DAB1: variants seen among roughly 807,000 people sequenced by gnomAD.
DAB1 encodes the protein disabled homolog 1.
DAB1 carries 15 observed loss-of-function variants against 64.6 expected under a neutral mutation model. The observed-to-expected ratio is 0.23, with a 90% confidence interval of 0.16 to 0.36. The LOEUF (loss-of-function observed/expected upper bound fraction) is 0.36. Ranked by LOEUF, DAB1 falls within the 10% of genes least tolerant of loss-of-function variation. The pLI is 1.00. For synonymous variants in DAB1, 235 were observed against 251.9 expected, an observed-to-expected ratio of 0.93 and a Z score of 0.64; for missense variants, 596 against 706.7, an observed-to-expected ratio of 0.84 and a Z score of 1.78.
At chr1:57,161,283 C>T (rs1660721295) in intron 2 of DAB1, among the ~76,000 whole-genome samples, 1 of 152,164 alleles carries the variant, frequency 6.6e-6, no homozygotes, top group African/African-American at 2.4e-5. Context: ...TAATACTGAT[C>T]AGATTCCAAG....
In DAB1 at chr1:57,619,320, T is replaced by A. The variant is rs1645827817; in HGVS notation, n.625+30272A>T. ...AGTGAACTAACTTTTATGGAGCACCTGGTACATGACAACGCTGTGCTAGGA... is the reference window on the plus strand; with the variant it reads ...AGTGAACTAACTTTTATGGAGCACCAGGTACATGACAACGCTGTGCTAGGA... On this transcript the variant is annotated intron_variant and non_coding_transcript_variant, in intron 7 of 20. Coordinates refer to the DAB1 transcript ENST00000485760. 2.0e-5 allele frequency among the ~76,000 whole-genome samples: 3 copies of A among 152,202 alleles called. No individual in the cohort carries two copies. The South Asian group carries it at 6.2e-4, about 31-fold the overall frequency.
chr1:58,385,427 T>C (rs1173925345), intron 3 of DAB1, among the ~76,000 whole-genome samples: 1 of 152,216 alleles, frequency 6.6e-6, no homozygotes, highest in Non-Finnish European at 1.5e-5. Context: ...GCATTTCATA[T>C]GCATTGTTTA....
chr1:58,010,283 C>T (rs1646648782), intron 5 of DAB1, among the ~76,000 whole-genome samples: 1 of 152,164 alleles, frequency 6.6e-6, no homozygotes, highest in South Asian at 2.1e-4. Flanking sequence ...AAAGCAGCTG[C>T]ATTCTTTTAC....
intron 1 of DAB1, among the ~76,000 whole-genome samples, chr1:57,334,667 C>T (rs1158496344): frequency 2.0e-5 from 3 of 152,156 alleles, no homozygotes; most frequent in Middle Eastern, 3.2e-3. Flanking sequence ...ACAGCACTTT[C>T]CATACGATAA....
chr1:58,458,344 G>C (rs924621755), intron 3 of DAB1, among the ~76,000 whole-genome samples: 17 of 152,340 alleles, frequency 1.1e-4, no homozygotes, highest in Admixed American at 2.0e-4. Context: ...ACCCCTCAAA[G>C]ATCCTTTGGA....
In DAB1 at chr1:57,459,392, C is replaced by T. The variant is rs75759115; in HGVS notation, n.626-168226G>A. Among the ~76,000 whole-genome samples the T allele has an allele frequency of 1.0e-2, 1,515 of 152,230 alleles. 34 individuals carry two copies. Among genetic ancestry groups the T allele is most frequent in the African/African-American group, 0.034 (1,401 of 41,520 alleles). On this transcript the variant is annotated intron_variant and non_coding_transcript_variant, in intron 7 of 20. Transcript: ENST00000485760. ...CAGTTTGTCATGGTGACAAATGCCA[C>T]ACCTTTGCACTCAGCTCTGTTCTTA...
At chr1:57,162,413 G>A (rs1037127060) in intron 2 of DAB1, among the ~76,000 whole-genome samples, 1 of 152,218 alleles carries the variant, frequency 6.6e-6, no homozygotes, top group South Asian at 2.1e-4. Context: ...CAGTGAGTCT[G>A]AGGTCATAGG....
intron 5 of DAB1, among the ~76,000 whole-genome samples, chr1:57,983,687 C>A (rs987826085): frequency 2.0e-5 from 3 of 152,178 alleles, no homozygotes; most frequent in African/African-American, 7.2e-5. Flanking sequence ...CCCACGTCAG[C>A]AACTGGAGGC....
intron 4 of DAB1, among the ~76,000 whole-genome samples, chr1:58,313,494 G>C (rs1005886899): frequency 1.3e-5 from 2 of 152,116 alleles, no homozygotes; most frequent in Non-Finnish European, 2.9e-5. Flanking sequence ...CCAGTCTCCT[G>C]TCTCTCCCCA....
At chr1:58,338,477 G>T (rs956444035) in intron 4 of DAB1, among the ~76,000 whole-genome samples, 15 of 152,124 alleles carry the variant, frequency 9.9e-5, no homozygotes, top group Non-Finnish European at 1.6e-4. Context: ...AAAGGTTTTG[G>T]TTCCCTATTA....
chr1:58,250,610 C>T (rs538781963), intron 4 of DAB1, among the ~76,000 whole-genome samples: 7 of 152,334 alleles, frequency 4.6e-5, no homozygotes, highest in African/African-American at 1.4e-4. Context: ...AATGCTGCTG[C>T]AGGAAGAGGT....
At chr1:58,093,248 G>A (rs1311631125) in intron 5 of DAB1, among the ~76,000 whole-genome samples, 1 of 152,202 alleles carries the variant, frequency 6.6e-6, no homozygotes, top group East Asian at 1.9e-4. Context: ...TGACCAAGAG[G>A]CAGCTGAGTA....
chr1:57,167,470 C>A (rs1661310238), intron 2 of DAB1, among the ~76,000 whole-genome samples: 1 of 152,156 alleles, frequency 6.6e-6, no homozygotes, highest in African/African-American at 2.4e-5. Flanking sequence ...TCTTCTAGAT[C>A]CTTAATGGAG....
intron 5 of DAB1, chr1:58,084,641 A>T (rs2100598843): frequency 6.5e-6 from 1 of 153,470 alleles, no homozygotes; most frequent in Admixed American, 6.5e-5. Flanking sequence ...GAGACCTGGG[A>T]CAAAGACTGA....
intron 2 of DAB1, among the ~76,000 whole-genome samples, chr1:57,194,321 T>C (rs1664435102): frequency 6.6e-6 from 1 of 152,226 alleles, no homozygotes; most frequent in Non-Finnish European, 1.5e-5. Flanking sequence ...TGTCTGTCTT[T>C]TTAATGGATG....
At chr1:58,244,510 G>A (rs369809877) in intron 4 of DAB1, among the ~76,000 whole-genome samples, 2 of 152,176 alleles carry the variant, frequency 1.3e-5, no homozygotes, top group African/African-American at 4.8e-5. Context: ...AAATAAAAGA[G>A]TTGGACAAAA....
At chr1:58,283,266 T>C (rs1661607958) in intron 4 of DAB1, among the ~76,000 whole-genome samples, 1 of 152,042 alleles carries the variant, frequency 6.6e-6, no homozygotes, top group South Asian at 2.1e-4. Flanking sequence ...TTGTATTTCA[T>C]AAGTATCTTC....
intron 1 of DAB1, chr1:58,530,768 A>G (rs1420101768): frequency 2.3e-6 from 2 of 857,902 alleles, no homozygotes; most frequent in Admixed American, 1.7e-5. Context: ...CATTTTATAC[A>G]TTGAGACAGT....
intron 7 of DAB1, among the ~76,000 whole-genome samples, chr1:57,614,721 T>C (rs1477214107): frequency 6.6e-6 from 1 of 152,164 alleles, no homozygotes; most frequent in African/African-American, 2.4e-5. Flanking sequence ...TTTGTAAATT[T>C]AGTTTTACTG....
Sources: gnomAD v4.1 joint callset for allele counts (sites outside exome capture counted in the v4.1 genomes callset) on GRCh38, gnomAD v4.1.1 for gene constraint, MANE v1.5 for transcripts, NCBI Gene and HGNC (gene_info 2026-07-23, HGNC 2026-07-21) for gene names.